ITPR1: variants seen among roughly 807,000 people sequenced by gnomAD.
The protein encoded by ITPR1 is inositol 1,4,5-trisphosphate receptor type 1.
Under a neutral mutation model 318.4 loss-of-function variants are expected in ITPR1, and 96 were observed. The ratio of observed to expected loss-of-function variants is 0.30; its 90% CI spans 0.26 to 0.36. The LOEUF is 0.36. Ranked by LOEUF, ITPR1 falls within the 10% of genes least tolerant of loss-of-function variation. The pLI, the probability that ITPR1 is intolerant of heterozygous loss-of-function variation, is 1.00. For synonymous variants in ITPR1, 1,312 were observed against 1,289.9 expected (o/e 1.02, Z -0.37); for missense variants, 2,440 against 3,460.2 (o/e 0.71, Z 7.40).
intron 4 of ITPR1, among the ~76,000 whole-genome samples, chr3:4,521,807 C>T (rs2082590858): frequency 6.6e-6 from 1 of 152,102 alleles, no homozygotes; most frequent in Admixed American, 6.5e-5. Context: ...GAGTTCCAGG[C>T]TACTGTGAAC....
intron 30 of ITPR1, among the ~76,000 whole-genome samples, chr3:4,686,499 T>C (rs1165738047): frequency 6.6e-6 from 1 of 152,198 alleles, no homozygotes; most frequent in Non-Finnish European, 1.5e-5. Flanking sequence ...TTGCTAACCA[T>C]AGTGTTGTCT....
chr3:4,568,346 C>T (rs2087597978), intron 4 of ITPR1, among the ~76,000 whole-genome samples: 1 of 152,238 alleles, frequency 6.6e-6, no homozygotes, highest in South Asian at 2.1e-4. Context: ...TTTTATTCTT[C>T]TCCCCTTTGC....
intron 44 of ITPR1, among the ~76,000 whole-genome samples, chr3:4,766,280 G>A (rs1312552973): frequency 1.3e-5 from 2 of 152,194 alleles, no homozygotes; most frequent in East Asian, 1.9e-4. Flanking sequence ...CACCACACTC[G>A]AGCATGCTCC....
At chr3:4,791,214 C>A (rs920326976) in intron 52 of ITPR1, among the ~76,000 whole-genome samples, 2 of 152,174 alleles carry the variant, frequency 1.3e-5, no homozygotes, top group African/African-American at 4.8e-5. Context: ...CTTCTTTTTG[C>A]TATAATGTAG....
chr3:4,610,844 TTTCCCTTTCCTG>T (rs1216758845), intron 4 of ITPR1, among the ~76,000 whole-genome samples: 5 of 148,224 alleles, frequency 3.4e-5, no homozygotes, highest in African/African-American at 1.2e-4. Flanking sequence ...TCCCTTTCTC[TTTCCCTTTCCTG>T]TTCCCTTTCC....
At chr3:4,553,434 T>C (rs750937820) in intron 4 of ITPR1, among the ~76,000 whole-genome samples, 1 of 152,038 alleles carries the variant, frequency 6.6e-6, no homozygotes, top group Non-Finnish European at 1.5e-5. Context: ...GCTATTGTTA[T>C]TATTATTTTG....
At chr3:4,587,473 G>A (rs137864435) in intron 4 of ITPR1, among the ~76,000 whole-genome samples, 7,883 of 152,112 alleles carry the variant, frequency 0.052, 296 homozygotes, top group Middle Eastern at 0.092. Context: ...GTTTCACCAC[G>A]TTGGCCAGGA....
At chr3:4,720,881 C>T (rs2042103607) in intron 40 of ITPR1, among the ~76,000 whole-genome samples, 1 of 152,004 alleles carries the variant, frequency 6.6e-6, no homozygotes, top group South Asian at 2.1e-4. Flanking sequence ...GTGGAGATGT[C>T]CTACTTTTTA....
intron 44 of ITPR1, among the ~76,000 whole-genome samples, chr3:4,764,514 AAGG>A (rs939084599): frequency 3.9e-5 from 6 of 152,186 alleles, no homozygotes; most frequent in Admixed American, 1.3e-4. Context: ...GGCAGACAGT[AAGG>A]AGGTGAACGG....
chr3:4,778,346 C>T (rs1378028220), intron 48 of ITPR1, among the ~76,000 whole-genome samples: 2 of 152,186 alleles, frequency 1.3e-5, no homozygotes, highest in East Asian at 1.9e-4. Context: ...TCTGCCCATC[C>T]GCAGCAGCGA....
intron 54 of ITPR1, among the ~76,000 whole-genome samples, chr3:4,802,211 T>C (rs1013806157): frequency 2.6e-5 from 4 of 152,200 alleles, no homozygotes; most frequent in Non-Finnish European, 5.9e-5. Context: ...AGGAAAACAG[T>C]GTCTTTCTGT....
At chr3:4,703,885 C>T (rs2125268495) in intron 36 of ITPR1, among the ~76,000 whole-genome samples, 1 of 152,250 alleles carries the variant, frequency 6.6e-6, no homozygotes, top group Admixed American at 6.5e-5. Flanking sequence ...ATATACACGA[C>T]AGGTTCATTG....
intron 4 of ITPR1, among the ~76,000 whole-genome samples, chr3:4,586,800 G>A (rs1347796734): frequency 6.6e-6 from 1 of 151,348 alleles, no homozygotes; most frequent in African/African-American, 2.4e-5. Context: ...ATGCATATTG[G>A]TTTGTTTGGT....
At chr3:4,571,769 C>T (rs2088022526) in intron 4 of ITPR1, among the ~76,000 whole-genome samples, 1 of 152,144 alleles carries the variant, frequency 6.6e-6, no homozygotes, top group Admixed American at 6.5e-5. Context: ...AGCTCACAGG[C>T]CTATAAAAAT....
At chr3:4,784,349 G>A (rs1026212404) in intron 51 of ITPR1, among the ~76,000 whole-genome samples, 1 of 152,118 alleles carries the variant, frequency 6.6e-6, no homozygotes, top group Non-Finnish European at 1.5e-5. Context: ...CCAGACGTGG[G>A]AAGATTCTAG....
At chr3:4,676,492 G>A in intron 23 of ITPR1, 122 bp from the exon 24 acceptor site, 1 of 696,664 alleles carries the variant, frequency 1.4e-6, no homozygotes, top group Non-Finnish European at 2.3e-6. Context: ...CCAGGGTCCT[G>A]AGATTATGTT....
At chr3:4,498,238 A>T (rs35886654) in intron 2 of ITPR1, among the ~76,000 whole-genome samples, 24,615 of 152,218 alleles carry the variant, frequency 0.16, 2,463 homozygotes, top group East Asian at 0.28. Flanking sequence ...ACAAAACATG[A>T]TGAGGGGTAT....
Position 4,665,173 on chromosome 3 carries a change from C to T in ITPR1, c.1590C>T (p.Cys530=), listed in dbSNP as rs371013311. ...TGTTACAAGCCCCATTCACAGACTG[C>T]GGTGATGGCCCAATGCTTCGGCTGG... The part of the protein sequence containing the change: ...FKLLQAPFTD[C]GDGPMLRLEE... The change falls in exon 17 of 62, where the codon TGC becomes TGT. Residue 530 remains cysteine, a synonymous_variant. Coordinates refer to ENST00000649015, the MANE Select transcript of ITPR1 (RefSeq NM_001378452.1). 2.2e-5 allele frequency: 35 copies of T among 1,613,980 alleles called. No individual in the cohort carries two copies. The highest frequency in any genetic ancestry group is 4.5e-5 in the East Asian group (2 of 44,892).
chr3:4,688,996 A>G (rs1324473097), intron 31 of ITPR1, among the ~76,000 whole-genome samples: 2 of 152,232 alleles, frequency 1.3e-5, no homozygotes, highest in Non-Finnish European at 2.9e-5. Flanking sequence ...TAATATTTCC[A>G]TATCAAACAT....
Sources: allele counts gnomAD v4.1 joint callset (sites outside exome capture counted in the v4.1 genomes callset), GRCh38; gene constraint gnomAD v4.1.1; transcripts MANE v1.5; gene names NCBI Gene and HGNC (gene_info 2026-07-23, HGNC 2026-07-21).